SMARCA2: variants seen among roughly 807,000 people sequenced by gnomAD.
The protein encoded by SMARCA2 is SWI/SNF-related matrix-associated actin-dependent regulator of chromatin subfamily A member 2.
Under a neutral mutation model 199.8 loss-of-function variants are expected in SMARCA2, and 61 were observed. That is an observed-to-expected ratio of 0.31 (90% confidence interval 0.25 to 0.38). SMARCA2 has a LOEUF of 0.38. Ranked by LOEUF, SMARCA2 falls within the 10% of genes least tolerant of loss-of-function variation. The pLI, the probability that SMARCA2 is intolerant of heterozygous loss-of-function variation, is 1.00. For synonymous variants in SMARCA2, 935 were observed against 732.0 expected, an observed-to-expected ratio of 1.28 and a Z score of -4.48; for missense variants, 1,344 against 2,012.2, an observed-to-expected ratio of 0.67 and a Z score of 6.35.
At chr9:2,061,009 C>A in intron 9 of SMARCA2, 23 bp downstream of exon 9, 1 of 1,609,246 alleles carries the variant, frequency 6.2e-7, no homozygotes, top group Non-Finnish European at 8.5e-7. Flanking sequence ...GTGGTGGTGG[C>A]TGAGTCCAGG....
chr9:2,077,384 A>T (rs1312550091), intron 13 of SMARCA2, among the ~76,000 whole-genome samples: 1 of 152,176 alleles, frequency 6.6e-6, no homozygotes, highest in Non-Finnish European at 1.5e-5. Context: ...CAAACAAATG[A>T]AGTAACCTCT....
At chr9:2,109,058 T>C (rs1335244466) in intron 23 of SMARCA2, among the ~76,000 whole-genome samples, 1 of 152,222 alleles carries the variant, frequency 6.6e-6, no homozygotes, top group African/African-American at 2.4e-5. Flanking sequence ...TTATTAAATG[T>C]GAAAAACAGA....
At chr9:2,028,780 T>C (rs1378998973) in intron 1 of SMARCA2, among the ~76,000 whole-genome samples, 8 of 152,192 alleles carry the variant, frequency 5.3e-5, no homozygotes, top group Non-Finnish European at 1.2e-4. Context: ...AATCATTTAG[T>C]GTGTGTGTTT....
At chr9:2,160,211 C>G (rs79145631) in intron 27 of SMARCA2, 1 of 271,608 alleles carries the variant, frequency 3.7e-6, no homozygotes, top group Non-Finnish European at 6.8e-6. Context: ...TAATGTGAAG[C>G]TTTTTTTTTT....
At position 2,086,599 on chromosome 9, in the gene SMARCA2, A is replaced by G. The variant is rs1324144388; in HGVS notation, c.2527-230A>G. ...CTTCTTTGTAAAAAGTTGATTTGGA[A>G]TTACGTGGTCTGTAAGGAACATTGT... On this transcript the variant is annotated intron_variant, in intron 17 of 33. Transcript: ENST00000349721. This position sits in a 1 kb window ranked among gnomAD's most constrained non-coding sequence, Gnocchi z 4.3. Among the ~76,000 whole-genome samples, 1 of 152,186 alleles carries G rather than the reference A, an allele frequency of 6.6e-6. No homozygotes were observed. The highest frequency in any genetic ancestry group is 1.5e-5 in the Non-Finnish European group (1 of 68,034).
At chr9:2,065,609 T>G (rs1820805261) in intron 9 of SMARCA2, among the ~76,000 whole-genome samples, 1 of 152,220 alleles carries the variant, frequency 6.6e-6, no homozygotes, top group Non-Finnish European at 1.5e-5. Flanking sequence ...TAGCCTGCCG[T>G]TGGCACAGTT....
At chr9:2,120,858 A>G (rs1823428716) in intron 26 of SMARCA2, among the ~76,000 whole-genome samples, 1 of 152,232 alleles carries the variant, frequency 6.6e-6, no homozygotes, top group Non-Finnish European at 1.5e-5. Flanking sequence ...TGGTCAATGT[A>G]GGGCATTCAT....
At position 2,073,578 on chromosome 9, in the gene SMARCA2, C is replaced by T. The variant is rs144414155; in HGVS notation, c.1890C>T (p.Ala630=). The change falls in exon 12 of 34, where the codon GCC becomes GCT. Residue 630 remains alanine, a synonymous_variant. Coordinates refer to ENST00000349721, the MANE Select transcript of SMARCA2 (RefSeq NM_003070.5). ...WLEMNPGYEV[A]PRSDSEESDS... ...TCTTTTTCCTTAGTTATGAAGTTGC[C>T]CCTAGATCTGACAGTGAAGAGAGTG... 33 of 1,611,968 alleles carry T rather than the reference C, an allele frequency of 2.0e-5. No individual in the cohort carries two copies. In the African/African-American group the frequency reaches 3.7e-4, roughly 18 times the overall value.
intron 3 of SMARCA2, among the ~76,000 whole-genome samples, chr9:2,033,763 G>C (rs113605155): frequency 6.6e-6 from 1 of 152,178 alleles, no homozygotes; most frequent in Non-Finnish European, 1.5e-5. Flanking sequence ...GTTTCTGGTG[G>C]TTGCCAGCAA....
Position 2,191,370 on chromosome 9 carries a change from G to C in SMARCA2, c.4699G>C (p.Val1567Leu), listed in dbSNP as rs144110632. 1,378 of 1,614,220 alleles carry C rather than the reference G, an allele frequency of 8.5e-4. No homozygotes were observed. Among genetic ancestry groups the C allele is most frequent in the Admixed American group, 1.1e-3 (68 of 60,024 alleles). ...AAATCGAGGAAAAGCCAAACCTGTA[G>C]TGAGCGATTTTGACAGCGATGAGGA... ...RPNRGKAKPV[V>L]SDFDSDEEQD... Residue 1567 changes from valine (V) to leucine (L), a missense_variant, in exon 33 of 34, where the codon GTG (valine) becomes CTG (leucine). Val to Leu is a conservative substitution (Grantham distance 32). Transcript: ENST00000349721.
In SMARCA2 at chr9:2,161,675, C is replaced by A. The variant is rs780683031; in HGVS notation, c.3982-11C>A. Reference sequence around the variant, plus strand: ...TGTCTTGAATTTGTCTCCTTTGTTTCCAACGAACAGGCCATCGAAGACGGC... The same window carrying A: ...TGTCTTGAATTTGTCTCCTTTGTTTACAACGAACAGGCCATCGAAGACGGC... On this transcript the variant is annotated splice_polypyrimidine_tract_variant and intron_variant, in intron 27 of 33. Transcript: ENST00000349721. This position sits in a 1 kb window ranked among gnomAD's most constrained non-coding sequence, Gnocchi z 4.7. The A allele has an allele frequency of 6.9e-6, 11 of 1,602,310 alleles. No homozygotes were observed. Among genetic ancestry groups the A allele is most frequent in the Middle Eastern group, 1.7e-4 (1 of 6,044 alleles).
At chr9:2,077,576 C>G (rs1821381778) in intron 13 of SMARCA2, 53 bp from the exon 14 acceptor site, 2 of 1,559,670 alleles carry the variant, frequency 1.3e-6, no homozygotes, top group African/African-American at 2.7e-5. Context: ...TGAAGTAAAA[C>G]AACACATGCA....
intron 27 of SMARCA2, among the ~76,000 whole-genome samples, chr9:2,127,920 A>G (rs1021374862): frequency 2.0e-5 from 3 of 152,146 alleles, no homozygotes; most frequent in African/African-American, 4.8e-5. Flanking sequence ...TGCATTCATA[A>G]TGTTGTTTTT....
rs1554623530 is a variant in SMARCA2 at position 2,084,405 on chromosome 9, T to TGTGTGG, written c.2526+214_2526+215insGGTGTG. On this transcript the variant is annotated intron_variant, in intron 17 of 33. Coordinates refer to ENST00000349721, the MANE Select transcript of SMARCA2 (RefSeq NM_003070.5). ...GTGTGTGTGTGTGTGTGTGTGTGTGTGTGTGTGTGTGTTTATGATTGATCC... is the reference window on the plus strand; with the variant it reads ...GTGTGTGTGTGTGTGTGTGTGTGTGTGTGTGGGTGTGTGTGTGTTTATGATTGATCC... Among the ~76,000 whole-genome samples, 522 of 151,520 alleles carry TGTGTGG rather than the reference T, an allele frequency of 3.4e-3. 2 individuals carry two copies. The highest frequency in any genetic ancestry group is 0.012 in the African/African-American group (488 of 41,224).
chr9:2,135,092 A>G (rs1349524174), intron 27 of SMARCA2, among the ~76,000 whole-genome samples: 2 of 152,230 alleles, frequency 1.3e-5, no homozygotes, highest in African/African-American at 4.8e-5. Flanking sequence ...AGCCAATGGT[A>G]TAATTGAGTC....
intron 27 of SMARCA2, among the ~76,000 whole-genome samples, chr9:2,140,242 A>T (rs913496440): frequency 5.3e-5 from 8 of 152,218 alleles, no homozygotes; most frequent in Non-Finnish European, 1.2e-4. Context: ...CAATTTGTTC[A>T]TTGAAATATA....
chr9:2,116,455 C>G (rs557883809), intron 25 of SMARCA2, among the ~76,000 whole-genome samples: 1 of 152,332 alleles, frequency 6.6e-6, no homozygotes, highest in East Asian at 1.9e-4. Flanking sequence ...TCTCTTTTGC[C>G]TTTTGATCAG....
At chr9:2,149,922 C>A (rs902150210) in intron 27 of SMARCA2, among the ~76,000 whole-genome samples, 3 of 151,538 alleles carry the variant, frequency 2.0e-5, no homozygotes, top group African/African-American at 7.3e-5. Context: ...CAACAGCATA[C>A]AGACTAGATC....
At chr9:2,065,944 T>A (rs1820819464) in intron 9 of SMARCA2, among the ~76,000 whole-genome samples, 1 of 152,214 alleles carries the variant, frequency 6.6e-6, no homozygotes, top group Non-Finnish European at 1.5e-5. Flanking sequence ...ACCAGTTACT[T>A]GAGTCAAAAT....
Sources: gnomAD v4.1 joint callset for allele counts (sites outside exome capture counted in the v4.1 genomes callset) on GRCh38, gnomAD v4.1.1 for gene constraint, Gnocchi (gnomAD v3.1) non-coding constraint, MANE v1.5 for transcripts, NCBI Gene and HGNC (gene_info 2026-07-23, HGNC 2026-07-21) for gene names.